Variants in ADAMTS13 observed in about 807,000 individuals in gnomAD.
The protein encoded by ADAMTS13 is A disintegrin and metalloproteinase with thrombospondin motifs 13.
Under a neutral mutation model 155.1 loss-of-function variants are expected in ADAMTS13, and 110 were observed. That is an observed-to-expected ratio of 0.71 (90% confidence interval 0.61 to 0.83). The LOEUF is 0.83. Ranked by LOEUF, ADAMTS13 falls within the 40% of genes least tolerant of loss-of-function variation. The probability of loss-of-function intolerance (pLI) is 0.00; values close to 1 mark genes in which losing one functional copy is unlikely to be tolerated. For synonymous variants in ADAMTS13, 758 were observed against 756.4 expected (o/e 1.00, Z -0.03); for missense variants, 1,707 against 1,891.7 (o/e 0.90, Z 1.81).
intron 24 of ADAMTS13, 78 bp downstream of exon 24, chr9:133,454,697 T>TA (rs1842637252): frequency 6.7e-7 from 1 of 1,483,236 alleles, no homozygotes; most frequent in African/African-American, 1.4e-5. Context: ...TGAGGGAGTC[T>TA]AGGAGGCATT....
chr9:133,414,575 C>T (rs782478088), exon 1 of ADAMTS13: 2 of 1,106,462 alleles, frequency 1.8e-6, no homozygotes, highest in South Asian at 2.5e-5. Flanking sequence ...GATGGAGAGA[C>T]TGCGGTGAGG....
Position 133,449,779 on chromosome 9 carries a change from C to G in ADAMTS13, c.2862-4C>G. On this transcript the variant is annotated splice_region_variant and splice_polypyrimidine_tract_variant and intron_variant, in intron 22 of 28. Transcript: ENST00000355699. ...TTGGGGTCCCTGACTCCAGTTTGCT[C>G]CAGGTGGCAGTACAAGCTGGCGGCC... 6.2e-7 allele frequency: 1 copy of G among 1,613,794 alleles called. No individual in the cohort carries two copies. Among genetic ancestry groups the G allele is most frequent in the South Asian group, 1.1e-5 (1 of 91,078 alleles).
intron 8 of ADAMTS13, 100 bp downstream of exon 8, chr9:133,430,201 C>T: frequency 6.7e-7 from 1 of 1,483,150 alleles, no homozygotes; most frequent in Non-Finnish European, 9.1e-7. Context: ...TGCTGGGTGC[C>T]GTGCTAGGCT....
chr9:133,444,018 C>T (rs587617365), intron 19 of ADAMTS13, among the ~76,000 whole-genome samples: 89 of 152,242 alleles, frequency 5.8e-4, no homozygotes, highest in African/African-American at 1.9e-3. Flanking sequence ...TTCAGTTTTG[C>T]GACCTGTCCG....
chr9:133,414,636 T>C (rs952840238), exon 1 of ADAMTS13: 4 of 1,605,228 alleles, frequency 2.5e-6, no homozygotes, highest in Non-Finnish European at 3.4e-6. Context: ...TGTGCCTCGG[T>C]TCTCAGTGGT....
intron 18 of ADAMTS13, 53 bp downstream of exon 18, chr9:133,442,796 G>A (rs1841775366): frequency 6.4e-7 from 1 of 1,566,874 alleles, no homozygotes; most frequent in Admixed American, 1.8e-5. Flanking sequence ...GTTCCGCTGG[G>A]GCTGCTGGGC....
At chr9:133,426,145 C>T in intron 5 of ADAMTS13, 54 bp from the exon 6 acceptor site, 1 of 1,613,976 alleles carries the variant, frequency 6.2e-7, no homozygotes, top group South Asian at 1.1e-5. Context: ...AAAGGTGACC[C>T]CAGGGCAGGC....
chr9:133,455,338 A>ACCCCAGGCCCAGGCGCCTGTGC lies in ADAMTS13; in HGVS notation c.3305_3326dup (p.Ala1110ProfsTer9). The ACCCCAGGCCCAGGCGCCTGTGC allele has an allele frequency of 6.2e-7, 1 of 1,609,446 alleles. No individual in the cohort carries two copies. The highest frequency in any genetic ancestry group is 8.5e-7 in the Non-Finnish European group (1 of 1,179,958). On this transcript the variant is annotated frameshift_variant, in exon 25 of 29. Transcript: ENST00000355699. LOFTEE classifies it high-confidence loss of function. ...AGCGCCGGCGTGACACCTGCCTCGG[A>ACCCCAGGCCCAGGCGCCTGTGC]CCCCAGGCCCAGGCGCCTGTGCCAG...
intron 25 of ADAMTS13, 172 bp downstream of exon 25, chr9:133,455,607 A>G (rs1842693909): frequency 6.2e-7 from 1 of 1,600,330 alleles, no homozygotes. Flanking sequence ...CAGTCCAGTT[A>G]TGTCCTGTCC....
At position 133,433,367 on chromosome 9, in the gene ADAMTS13, T is replaced by A. The variant is rs370986905; in HGVS notation, c.1093-11T>A. ...TGTGGGATGGGAGATGAAGCCATCCTTGCCTTGCAGTGGTGCTCCAAGGGT... is the reference window on the plus strand; with the variant it reads ...TGTGGGATGGGAGATGAAGCCATCCATGCCTTGCAGTGGTGCTCCAAGGGT... On this transcript the variant is annotated splice_polypyrimidine_tract_variant and intron_variant, in intron 9 of 28. Coordinates refer to ENST00000355699, the MANE Select transcript of ADAMTS13 (RefSeq NM_139027.6). 70 of 1,612,426 alleles carry A rather than the reference T, an allele frequency of 4.3e-5. No individual in the cohort carries two copies. Among genetic ancestry groups the A allele is most frequent in the Middle Eastern group, 1.7e-4 (1 of 5,994 alleles).
At position 133,424,514 on chromosome 9, in the gene ADAMTS13, G is replaced by C; in HGVS notation, c.330+36G>C. The stretch of plus-strand genomic sequence containing the variant: ...CACGCTGGACTGTGCAGGTCCCCAC[G>C]GCCAGGGCTGGTGACCAATGTCTGT... On this transcript the variant is annotated intron_variant, in intron 3 of 28. Coordinates refer to ENST00000355699, the MANE Select transcript of ADAMTS13 (RefSeq NM_139027.6). The surrounding 1 kb of genome is among the most constrained non-coding windows in gnomAD (Gnocchi z 4.3). 1 of 1,589,684 alleles carries C rather than the reference G, an allele frequency of 6.3e-7. No individual in the cohort carries two copies.
At chr9:133,428,965 A>C (rs1415469968) in intron 7 of ADAMTS13, among the ~76,000 whole-genome samples, 194 bp downstream of exon 7, 2 of 84,534 alleles carry the variant, frequency 2.4e-5, no homozygotes, top group Non-Finnish European at 4.5e-5. Context: ...GCGAGCCTCC[A>C]GCCAGCCCGC....
At chr9:133,434,273 G>A (rs1314056826) in intron 11 of ADAMTS13, among the ~76,000 whole-genome samples, 1 of 152,090 alleles carries the variant, frequency 6.6e-6, no homozygotes, top group Non-Finnish European at 1.5e-5. Context: ...GGAATACAGT[G>A]CGCTGCTGCA....
rs140582930 is a variant in ADAMTS13, at chr9:133,433,517, G to A, written c.1232G>A (p.Cys411Tyr). ...GGGVVTRRRQ[C>Y]NNPRPAFGGR... is the part of the protein sequence containing the mutation. ...GGTGTGGTCACCAGGAGGCGGCAGT[G>A]CAACAACCCCAGGTACCGCAGGGAG... Residue 411 changes from cysteine (C) to tyrosine (Y), a missense_variant, in exon 10 of 29, where the codon TGC becomes TAC. Around this residue, in one of 3 missense-constraint regions of ADAMTS13, gnomAD observed 733 missense variants for 749.6 expected, o/e 0.98. Coordinates refer to ENST00000355699, the MANE Select transcript of ADAMTS13 (RefSeq NM_139027.6). The A allele has an allele frequency of 1.9e-6, 3 of 1,613,520 alleles. No individual in the cohort carries two copies. The African/African-American group carries it at 4.0e-5, about 22-fold the overall frequency.
chr9:133,459,164 G>C lies in ADAMTS13; in HGVS notation c.4100G>C (p.Gly1367Ala). 1 of 1,610,980 alleles carries C rather than the reference G, an allele frequency of 6.2e-7. No homozygotes were observed. The highest frequency in any genetic ancestry group is 1.1e-5 in the South Asian group (1 of 90,622). ...PEMQDPQSWK[G>A]KEGT ...ATGCAGGACCCTCAGTCCTGGAAGG[G>C]AAAGGAAGGAACCTGAGGGTCATTG... The change falls in exon 29 of 29, where the codon GGA becomes GCA. Residue 1367 changes from glycine (G) to alanine (A), a missense_variant. By Grantham distance (60) the Gly-to-Ala change is moderately conservative. Coordinates refer to ENST00000355699, the MANE Select transcript of ADAMTS13 (RefSeq NM_139027.6).
chr9:133,452,176 G>A (rs941475424), intron 23 of ADAMTS13, among the ~76,000 whole-genome samples: 8 of 150,808 alleles, frequency 5.3e-5, no homozygotes, highest in African/African-American at 1.5e-4. Flanking sequence ...GCAGTGGCGC[G>A]ATCTCAGCTC....
intron 16 of ADAMTS13, 27 bp from the exon 17 acceptor site, chr9:133,442,372 A>G (rs933016418): frequency 6.2e-6 from 10 of 1,613,676 alleles, no homozygotes; most frequent in Non-Finnish European, 8.5e-6. Flanking sequence ...AACCCACTGG[A>G]CAAGGCCTGA....
intron 21 of ADAMTS13, 77 bp from the exon 22 acceptor site, chr9:133,448,522 G>A: frequency 6.3e-7 from 1 of 1,590,616 alleles, no homozygotes; most frequent in South Asian, 1.1e-5. Context: ...ATGTGCTAGA[G>A]GTGTCCAGTG....
At chr9:133,443,225 C>G in intron 18 of ADAMTS13, 151 bp from the exon 19 acceptor site, 1 of 989,626 alleles carries the variant, frequency 1.0e-6, no homozygotes, top group South Asian at 1.5e-5. Flanking sequence ...GCTCAGCCGT[C>G]TGGCAGCCTG....
Sources: allele counts gnomAD v4.1 joint callset (sites outside exome capture counted in the v4.1 genomes callset), GRCh38; gene constraint gnomAD v4.1.1; regional missense constraint gnomAD v4.1.1; non-coding constraint Gnocchi (gnomAD v3.1); transcripts MANE v1.5; gene names NCBI Gene and HGNC (gene_info 2026-07-23, HGNC 2026-07-21).